Variants in GRIK4 observed in about 807,000 individuals in gnomAD.
GRIK4 encodes glutamate ionotropic receptor kainate type subunit 4, also known as glutamate receptor ionotropic, kainate 4.
In GRIK4, 40 loss-of-function variants were observed where a neutral mutation model predicts 104.9. The ratio of observed to expected loss-of-function variants is 0.38; its 90% CI spans 0.30 to 0.50. GRIK4 has a LOEUF of 0.50. GRIK4 is among the 20% of genes least tolerant of loss of function. The probability of loss-of-function intolerance (pLI) is 0.93; values close to 1 mark genes in which losing one functional copy is unlikely to be tolerated. For missense variants in GRIK4, 1,047 were observed against 1,308.1 expected, an observed-to-expected ratio of 0.80 and a Z score of 3.08; for synonymous variants, 485 against 524.9, an observed-to-expected ratio of 0.92 and a Z score of 1.04.
chr11:120,831,994 C>T lies in GRIK4; in HGVS notation c.654C>T (p.His218=), dbSNP rs112771462. 1.7e-3 allele frequency: 2,668 copies of T among 1,613,700 alleles called. 47 individuals are homozygous for T. In the African/African-American group the frequency reaches 0.032, roughly 19 times the overall value. The change falls in exon 7 of 21, where the codon CAC becomes CAT. Residue 218 remains histidine, a synonymous_variant. Transcript: ENST00000527524. The part of the protein sequence containing the change: ...RDDKTATIII[H]ANASMSHTIL... ...ACAAGACCGCCACCATCATCATCCA[C>T]GCCAACGCCTCCATGTCCCACACCA...
At chr11:120,689,938 T>C (rs901744370) in intron 3 of GRIK4, among the ~76,000 whole-genome samples, 3 of 152,234 alleles carry the variant, frequency 2.0e-5, no homozygotes, top group Non-Finnish European at 2.9e-5. Context: ...TATTTATTGA[T>C]CGAATGAGTA....
intron 5 of GRIK4, among the ~76,000 whole-genome samples, chr11:120,818,325 C>T (rs1953014594): frequency 6.6e-6 from 1 of 152,234 alleles, no homozygotes; most frequent in African/African-American, 2.4e-5. Context: ...CTATCTTGCC[C>T]ATTTGTGACC....
chr11:120,616,144 G>A (rs1949110338), intron 1 of GRIK4, among the ~76,000 whole-genome samples: 2 of 152,126 alleles, frequency 1.3e-5, no homozygotes, highest in African/African-American at 2.4e-5. Context: ...CTTTGTTGGG[G>A]TGGGGATGGG....
chr11:120,592,343 C>T (rs900909008), intron 1 of GRIK4, among the ~76,000 whole-genome samples: 8 of 152,210 alleles, frequency 5.3e-5, no homozygotes, highest in Admixed American at 2.6e-4. Context: ...CACGCCTCTT[C>T]GGAGATGGCC....
At chr11:120,646,245 A>G (rs1949541191) in intron 1 of GRIK4, among the ~76,000 whole-genome samples, 1 of 152,252 alleles carries the variant, frequency 6.6e-6, no homozygotes, top group Non-Finnish European at 1.5e-5. Context: ...GCATACTGCT[A>G]AGATCGCAGC....
intron 13 of GRIK4, among the ~76,000 whole-genome samples, chr11:120,929,664 C>T (rs1483390588): frequency 6.6e-6 from 1 of 152,166 alleles, no homozygotes; most frequent in Non-Finnish European, 1.5e-5. Context: ...TCCATTCCTT[C>T]CCGGGCTGTA....
At chr11:120,971,218 G>A (rs1292128769) in intron 19 of GRIK4, among the ~76,000 whole-genome samples, 2 of 152,094 alleles carry the variant, frequency 1.3e-5, no homozygotes, top group East Asian at 1.9e-4. Context: ...CAACACTTAA[G>A]ACATATATTT....
intron 8 of GRIK4, among the ~76,000 whole-genome samples, chr11:120,842,973 C>T (rs954261895): frequency 2.0e-5 from 3 of 152,210 alleles, no homozygotes; most frequent in Non-Finnish European, 4.4e-5. Flanking sequence ...GCAGTCACTG[C>T]CTAACAGAAA....
intron 3 of GRIK4, among the ~76,000 whole-genome samples, chr11:120,666,661 A>G (rs1359825706): frequency 4.6e-5 from 7 of 152,226 alleles, no homozygotes; most frequent in South Asian, 4.1e-4. Context: ...TCATTTTGGT[A>G]TGTGGCTGCC....
At chr11:120,620,448 C>A (rs1260353924) in intron 1 of GRIK4, among the ~76,000 whole-genome samples, 1 of 152,084 alleles carries the variant, frequency 6.6e-6, no homozygotes, top group African/African-American at 2.4e-5. Flanking sequence ...TATTCCAGGG[C>A]CACTCCCCCA....
chr11:120,962,494 C>T lies in GRIK4; in HGVS notation c.2079C>T (p.Tyr693=), dbSNP rs1250196394. The T allele has an allele frequency of 6.2e-7, 1 of 1,613,640 alleles. No individual in the cohort carries two copies. Residue 693 remains tyrosine, a synonymous_variant, in exon 18 of 21, where the codon TAC becomes TAT. Coordinates refer to ENST00000527524, the MANE Select transcript of GRIK4 (RefSeq NM_014619.5). ...AGACCTACCAACGCATGTGGAATTA[C>T]ATGTATTCCAAGCAGCCCAGCGTGT... The part of the protein sequence containing the change: ...RYQTYQRMWN[Y]MYSKQPSVFV...
At chr11:120,666,694 G>A (rs756788197) in intron 3 of GRIK4, among the ~76,000 whole-genome samples, 86 of 152,286 alleles carry the variant, frequency 5.6e-4, no homozygotes, top group Non-Finnish European at 8.8e-5. Flanking sequence ...TGCTAGAATG[G>A]CCTGAGTATC....
At chr11:120,615,279 A>G (rs1308338264) in intron 1 of GRIK4, among the ~76,000 whole-genome samples, 1 of 152,210 alleles carries the variant, frequency 6.6e-6, no homozygotes, top group Non-Finnish European at 1.5e-5. Flanking sequence ...TGCGCTCACC[A>G]TCTGAGAGCT....
chr11:120,718,012 T>A (rs1235814220), intron 3 of GRIK4, among the ~76,000 whole-genome samples: 2 of 152,152 alleles, frequency 1.3e-5, no homozygotes, highest in African/African-American at 4.8e-5. Flanking sequence ...AAGAATTAAG[T>A]CAGTGCCATG....
At chr11:120,815,652 G>T (rs1367050484) in intron 5 of GRIK4, among the ~76,000 whole-genome samples, 177 bp downstream of exon 5, 1 of 152,150 alleles carries the variant, frequency 6.6e-6, no homozygotes, top group African/African-American at 2.4e-5. Flanking sequence ...CAGGATGTTT[G>T]CATGGAGGGG....
Position 120,814,686 on chromosome 11 carries a change from C to G in GRIK4, c.248-692C>G, listed in dbSNP as rs150430274. On this transcript the variant is annotated intron_variant, in intron 4 of 20. Coordinates refer to ENST00000527524, the MANE Select transcript of GRIK4 (RefSeq NM_014619.5). ...CCGGACAGGTGAGCGAGTGTTCAGT[C>G]CAGGAGGGAAAGGCCAGATGCCAGG... 2.2e-4 allele frequency among the ~76,000 whole-genome samples: 34 copies of G among 152,240 alleles called. No homozygotes were observed. The East Asian group carries it at 6.2e-3, about 28-fold the overall frequency.
At chr11:120,665,966 T>C (rs1949907108) in intron 3 of GRIK4, among the ~76,000 whole-genome samples, 1 of 152,148 alleles carries the variant, frequency 6.6e-6, no homozygotes, top group Non-Finnish European at 1.5e-5. Flanking sequence ...CCAAAACCCA[T>C]TGTGCACTGT....
intron 3 of GRIK4, among the ~76,000 whole-genome samples, chr11:120,794,076 G>A (rs1423910946): frequency 1.3e-5 from 2 of 149,672 alleles, no homozygotes; most frequent in Non-Finnish European, 3.0e-5. Flanking sequence ...GCAAGGCAGT[G>A]GTTAGAGGTG....
chr11:120,647,196 C>T lies in GRIK4; in HGVS notation c.-158-6489C>T, dbSNP rs548169917. Among the ~76,000 whole-genome samples the T allele has an allele frequency of 6.8e-4, 104 of 152,312 alleles. No homozygotes were observed. In the South Asian group the frequency reaches 0.02, roughly 29 times the overall value. On this transcript the variant is annotated intron_variant, in intron 1 of 20. Coordinates refer to ENST00000527524, the MANE Select transcript of GRIK4 (RefSeq NM_014619.5). ...AGAACCACCATACGCTCCTACCCAACGCATAGCTGCTTGGAAATTTTCTTT... is the reference window on the plus strand; with the variant it reads ...AGAACCACCATACGCTCCTACCCAATGCATAGCTGCTTGGAAATTTTCTTT...
Sources: allele counts gnomAD v4.1 joint callset (sites outside exome capture counted in the v4.1 genomes callset), GRCh38; gene constraint gnomAD v4.1.1; transcripts MANE v1.5; gene names NCBI Gene and HGNC (gene_info 2026-07-23, HGNC 2026-07-21).